The following CELF1 variants were observed in gnomAD, a reference collection of about 807,000 sequenced individuals.
The protein encoded by CELF1 is CUGBP Elav-like family member 1, also known as 50 kDa nuclear polyadenylated RNA-binding protein.
Under a neutral mutation model 61.8 loss-of-function variants are expected in CELF1, and 10 were observed. That is an observed-to-expected ratio of 0.16 (90% confidence interval 0.10 to 0.27). The LOEUF is 0.27. Ranked by LOEUF, CELF1 falls within the 10% of genes least tolerant of loss-of-function variation. CELF1 has a pLI of 1.00. For missense variants in CELF1, 380 were observed against 639.1 expected (o/e 0.59, Z 4.37); for synonymous variants, 236 against 225.1 (o/e 1.05, Z -0.43).
At chr11:47,539,758 A>C (rs1361742029) in intron 1 of CELF1, among the ~76,000 whole-genome samples, 1 of 152,154 alleles carries the variant, frequency 6.6e-6, no homozygotes, top group Non-Finnish European at 1.5e-5. Context: ...AGGCATCCAG[A>C]TTTTTGCTCT....
intron 2 of CELF1, among the ~76,000 whole-genome samples, chr11:47,560,291 TA>T (rs565960619): frequency 0.011 from 1,619 of 150,826 alleles, 22 homozygotes; most frequent in Non-Finnish European, 0.016. Flanking sequence ...ACCGTCTCAA[TA>T]AAAAAAAGAA....
At position 47,478,941 on chromosome 11, in the gene CELF1, C is replaced by G. The variant is rs768677157; in HGVS notation, c.780G>C (p.Gln260His). The change falls in exon 10 of 15, where the codon CAG becomes CAC. Residue 260 changes from glutamine (Q) to histidine (H), a missense_variant. By Grantham distance (24) the Gln-to-His change is conservative (BLOSUM62 0). Transcript: ENST00000687097. ...LGPQYLALYLQLLQQTASSGN... is the reference protein window; with the variant it reads ...LGPQYLALYLHLLQQTASSGN... The stretch of plus-strand genomic sequence containing the variant: ...CAGAGGAGGCAGTCTGCTGAAGGAG[C>G]TGCAAATAAAGCTAGACATTACACC... 6.2e-7 allele frequency: 1 copy of G among 1,612,014 alleles called. No individual in the cohort carries two copies. Among genetic ancestry groups the G allele is most frequent in the East Asian group, 2.2e-5 (1 of 44,838 alleles).
At chr11:47,492,626 G>A (rs568411831) in intron 3 of CELF1, among the ~76,000 whole-genome samples, 152 of 152,172 alleles carry the variant, frequency 1.0e-3, no homozygotes, top group African/African-American at 3.6e-3. Flanking sequence ...CAGCTACTCG[G>A]GAGGCTAAGG....
At chr11:47,499,666 AC>A (rs2093650729) in intron 2 of CELF1, 62 bp from the exon 3 acceptor site, 1 of 652,720 alleles carries the variant, frequency 1.5e-6, no homozygotes, top group Non-Finnish European at 2.7e-6. Context: ...AATAAGTGCC[AC>A]AGAAAGAGGC....
intron 13 of CELF1, among the ~76,000 whole-genome samples, chr11:47,473,650 G>A (rs4752839): frequency 0.24 from 35,930 of 152,062 alleles, 5,406 homozygotes; most frequent in African/African-American, 0.41. Flanking sequence ...GTAGTTGCCA[G>A]ATGCAGGGAA....
At chr11:47,504,902 CAAAA>C (rs374401044) in intron 1 of CELF1, among the ~76,000 whole-genome samples, 4 of 107,914 alleles carry the variant, frequency 3.7e-5, no homozygotes, top group Admixed American at 2.0e-4. Context: ...ACTCTGTCAC[CAAAA>C]AAAAAAAAAA....
At chr11:47,516,237 G>A (rs1236319507) in intron 1 of CELF1, among the ~76,000 whole-genome samples, 1 of 152,056 alleles carries the variant, frequency 6.6e-6, no homozygotes, top group South Asian at 2.1e-4. Context: ...AGGACTGAAT[G>A]GCCCATGGAC....
At chr11:47,562,303 A>G (rs1157803219) in intron 2 of CELF1, among the ~76,000 whole-genome samples, 1 of 151,830 alleles carries the variant, frequency 6.6e-6, no homozygotes, top group Non-Finnish European at 1.5e-5. Flanking sequence ...AGGCAGGCAG[A>G]TCGCTTGAGT....
At position 47,472,233 on chromosome 11, in the gene CELF1, G is replaced by A. The variant is rs2077930759; in HGVS notation, c.1542C>T (p.Tyr514=). The part of the protein sequence containing the change: ...LKRSKNDSKP[Y] The stretch of plus-strand genomic sequence containing the variant: ...CCAGTCTCAGAGGGGAGCACGCTCA[G>A]TAGGGCTTGCTGTCATTCTTCGAAC... The change falls in exon 15 of 15, where the codon TAC becomes TAT. Residue 514 remains tyrosine, a synonymous_variant. Coordinates refer to ENST00000687097, the MANE Select transcript of CELF1 (RefSeq NM_001376376.1). 1.2e-6 allele frequency: 2 copies of A among 1,613,996 alleles called. No homozygotes were observed. The highest frequency in any genetic ancestry group is 1.1e-5 in the South Asian group (1 of 91,082).
Position 47,499,395 on chromosome 11 carries a change from A to G in CELF1, c.71+58T>C, listed in dbSNP as rs1034936356. 5.9e-6 allele frequency: 8 copies of G among 1,362,204 alleles called. No homozygotes were observed. In the South Asian group the frequency reaches 7.9e-5, roughly 13 times the overall value. 84.4% of individuals were successfully genotyped at this position (1,362,204 alleles called of 1,614,324 possible). ...AAAAAAGGAACCAATTTCATCAAAT[A>G]AAGAAAACAGCCCAGTTCCTCTGCT... is the stretch of plus-strand genomic sequence containing the variant. On this transcript the variant is annotated intron_variant, in intron 3 of 14. Coordinates refer to ENST00000687097, the MANE Select transcript of CELF1 (RefSeq NM_001376376.1).
At position 47,468,714 on chromosome 11, in the gene CELF1, GA is replaced by G. The variant is rs35996141; in HGVS notation, c.*3515del. On this transcript the variant is annotated 3_prime_UTR_variant, in exon 15 of 15. Coordinates refer to ENST00000687097, the MANE Select transcript of CELF1 (RefSeq NM_001376376.1). ...AGGAAAAAAAAAGGAAAGAAAAAAAGAAAAAAAAACGAAGAAAGAAACAAAC... is the reference window on the plus strand; with the variant it reads ...AGGAAAAAAAAAGGAAAGAAAAAAAGAAAAAAAACGAAGAAAGAAACAAAC... The G allele has an allele frequency of 1.4e-3, 205 of 149,610 alleles. No individual in the cohort carries two copies. The highest frequency in any genetic ancestry group is 2.4e-3 in the Non-Finnish European group (164 of 67,176). 9.3% of individuals were successfully genotyped at this position (149,610 alleles called of 1,614,324 possible).
At chr11:47,553,984 A>T (rs1308482094), upstream of CELF1, among the ~76,000 whole-genome samples, 1 of 152,096 alleles carries the variant, frequency 6.6e-6, no homozygotes, top group African/African-American at 2.4e-5. Context: ...AGTTAAATGC[A>T]GATTAAGAAA....
intron 13 of CELF1, among the ~76,000 whole-genome samples, chr11:47,474,031 C>T (rs1166550): frequency 3.6e-4 from 55 of 152,178 alleles, no homozygotes; most frequent in Middle Eastern, 3.4e-3. Context: ...CTCAGCCTCC[C>T]GAGTAGCTGG....
intron 1 of CELF1, among the ~76,000 whole-genome samples, chr11:47,501,309 C>A (rs964528534): frequency 2.1e-5 from 3 of 143,322 alleles, no homozygotes; most frequent in African/African-American, 7.3e-5. Flanking sequence ...TTACCAAGCC[C>A]ATGCCTGTCA....
intron 2 of CELF1, among the ~76,000 whole-genome samples, chr11:47,561,589 G>A (rs1250593400): frequency 6.6e-6 from 1 of 152,094 alleles, no homozygotes; most frequent in Non-Finnish European, 1.5e-5. Flanking sequence ...ATGCAAAAAG[G>A]TGCAGTCCAC....
intron 1 of CELF1, among the ~76,000 whole-genome samples, chr11:47,510,921 C>T (rs1184132435): frequency 6.6e-6 from 1 of 152,016 alleles, no homozygotes; most frequent in Non-Finnish European, 1.5e-5. Flanking sequence ...GTGGCTCATA[C>T]CTATAATCCC....
chr11:47,489,932 C>CTTTTTTTTTTTTTTTTTTTTTT (rs530410346), intron 3 of CELF1, among the ~76,000 whole-genome samples: 7 of 23,444 alleles, frequency 3.0e-4, no homozygotes, highest in Admixed American at 1.5e-3. Context: ...AACATACCAT[C>CTTTTTTTTTTTTTTTTTTTTTT]TTGTTTTTTT....
intron 14 of CELF1, 112 bp from the exon 15 acceptor site, chr11:47,472,469 G>T: frequency 8.5e-7 from 1 of 1,179,608 alleles, no homozygotes; most frequent in Non-Finnish European, 1.2e-6. Context: ...ATTTTATTCA[G>T]CAGGGACAAG....
intron 1 of CELF1, among the ~76,000 whole-genome samples, chr11:47,530,887 C>CA (rs2096449049): frequency 6.6e-6 from 1 of 152,020 alleles, no homozygotes; most frequent in East Asian, 1.9e-4. Flanking sequence ...CCCACGAGGT[C>CA]AAGGCTACAG....
Sources: gnomAD v4.1 joint callset for allele counts (sites outside exome capture counted in the v4.1 genomes callset) on GRCh38, gnomAD v4.1.1 for gene constraint, MANE v1.5 for transcripts, NCBI Gene and HGNC (gene_info 2026-07-23, HGNC 2026-07-21) for gene names.